The following ERBIN variants were observed in gnomAD, a reference collection of about 807,000 sequenced individuals.
The protein encoded by ERBIN is erbb2 interacting protein.
ERBIN carries 60 observed loss-of-function variants against 158.4 expected under a neutral mutation model. The observed-to-expected ratio is 0.38, with a 90% CI of 0.31 to 0.47. ERBIN has a LOEUF of 0.47. Among genes scored for constraint, ERBIN ranks in the 20% least tolerant of loss-of-function variants. The pLI, the probability that ERBIN is intolerant of heterozygous loss-of-function variation, is 0.99. For missense variants in ERBIN, 1,610 were observed against 1,648.0 expected, an observed-to-expected ratio of 0.98 and a Z score of 0.40; for synonymous variants, 594 against 557.2, an observed-to-expected ratio of 1.07 and a Z score of -0.93.
At chr5:65,939,432 A>G (rs1397311263) in intron 1 of ERBIN, among the ~76,000 whole-genome samples, 1 of 151,962 alleles carries the variant, frequency 6.6e-6, no homozygotes, top group African/African-American at 2.4e-5. Flanking sequence ...ATGAGACTCC[A>G]TCTCCAAAAC....
At chr5:66,006,302 C>T (rs1048130646) in intron 4 of ERBIN, among the ~76,000 whole-genome samples, 2 of 152,186 alleles carry the variant, frequency 1.3e-5, no homozygotes, top group Non-Finnish European at 2.9e-5. Flanking sequence ...AAAGAATTCC[C>T]TACTTAATAA....
At chr5:65,958,131 C>T (rs1747452800) in intron 1 of ERBIN, among the ~76,000 whole-genome samples, 1 of 150,588 alleles carries the variant, frequency 6.6e-6, no homozygotes, top group African/African-American at 2.4e-5. Flanking sequence ...TCCTCACTTC[C>T]CAGACTGGGC....
At chr5:66,040,856 GA>G (rs1561412615) in intron 15 of ERBIN, among the ~76,000 whole-genome samples, 2 of 109,028 alleles carry the variant, frequency 1.8e-5, no homozygotes, top group Non-Finnish European at 4.8e-5. Context: ...AAAAAAAAAA[GA>G]GGAAAAAAAG....
chr5:66,012,116 C>T lies in ERBIN; in HGVS notation c.375C>T (p.Asn125=), dbSNP rs1053695098. 10 of 1,591,214 alleles carry T rather than the reference C, an allele frequency of 6.3e-6. No individual in the cohort carries two copies. The highest frequency in any genetic ancestry group is 8.6e-6 in the Non-Finnish European group (10 of 1,167,792). Residue 125 remains asparagine, a synonymous_variant, in exon 5 of 26, where the codon AAC becomes AAT. Coordinates refer to ENST00000284037, the MANE Select transcript of ERBIN (RefSeq NM_001253697.2). The part of the protein sequence containing the change: ...KVLTIVEASV[N]PISKLPDGFS... ...TGACAATTGTGGAGGCCAGTGTAAA[C>T]CCTATTTCCAAGTAAGTTCTCAGGT... is the stretch of plus-strand genomic sequence containing the variant.
rs560811091 is a variant in ERBIN, at chr5:65,963,295, T to C, written c.-57-25340T>C. 1.2e-3 allele frequency among the ~76,000 whole-genome samples: 183 copies of C among 152,348 alleles called. 1 individual carries two copies. Among genetic ancestry groups the C allele is most frequent in the Middle Eastern group, 0.01 (3 of 294 alleles). On this transcript the variant is annotated intron_variant, in intron 1 of 25. Coordinates refer to ENST00000284037, the MANE Select transcript of ERBIN (RefSeq NM_001253697.2). ...AACTATTAACTGAGTAATATTAAAT[T>C]GGCAACTTTGAGGTAGGATACAACC...
chr5:66,004,643 T>C (rs1753391442), intron 4 of ERBIN, among the ~76,000 whole-genome samples: 1 of 152,182 alleles, frequency 6.6e-6, no homozygotes, highest in Non-Finnish European at 1.5e-5. Context: ...CCTCAAATGA[T>C]CTGCCCACCT....
intron 1 of ERBIN, among the ~76,000 whole-genome samples, chr5:65,931,042 G>GAT (rs1002528145): frequency 2.7e-4 from 38 of 142,446 alleles, no homozygotes; most frequent in Non-Finnish European, 1.3e-4. Context: ...TGTGGAAGAC[G>GAT]ATAGAAAAGG....
intron 14 of ERBIN, among the ~76,000 whole-genome samples, chr5:66,029,729 C>G (rs1487978022): frequency 1.3e-5 from 2 of 151,980 alleles, no homozygotes; most frequent in South Asian, 2.1e-4. Context: ...CTCAGCCTCC[C>G]GAGTAGCTGG....
At chr5:66,043,371 A>G (rs367605785) in intron 16 of ERBIN, among the ~76,000 whole-genome samples, 173 bp downstream of exon 16, 1 of 152,196 alleles carries the variant, frequency 6.6e-6, no homozygotes, top group Admixed American at 6.5e-5. Context: ...GAATTTGGGA[A>G]CAATATAAAA....
At chr5:65,939,536 C>G (rs565765426) in intron 1 of ERBIN, among the ~76,000 whole-genome samples, 3 of 147,702 alleles carry the variant, frequency 2.0e-5, no homozygotes, top group East Asian at 1.9e-4. Context: ...CCCTCTCCCC[C>G]CTCTCCCTCT....
Position 66,023,090 on chromosome 5 carries a change from A to G in ERBIN, c.598-200A>G, listed in dbSNP as rs1755868564. 8 of 418,930 alleles carry G rather than the reference A, an allele frequency of 1.9e-5. No homozygotes were observed. In the South Asian group the frequency reaches 2.2e-4, roughly 12 times the overall value. The allele number at this position is 418,930 out of a possible 1,614,324, so 26.0% of individuals were successfully genotyped here. A position where few individuals can be genotyped will look rare whatever the true frequency, so the allele number is the denominator to read the frequency against. On this transcript the variant is annotated intron_variant, in intron 8 of 25. Coordinates refer to ENST00000284037, the MANE Select transcript of ERBIN (RefSeq NM_001253697.2). The stretch of plus-strand genomic sequence containing the variant: ...ATTTCTCCATTAATAATTTTCTATA[A>G]TAATTTTACTGTAGTAACTATAATG...
At chr5:66,013,781 G>C (rs433773) in intron 6 of ERBIN, 143 bp downstream of exon 6, 451,421 of 542,630 alleles carry the variant, frequency 0.83, 190,142 homozygotes, top group African/African-American at 0.91. Flanking sequence ...TTTATACTTT[G>C]TTTGGTGGCT....
intron 1 of ERBIN, among the ~76,000 whole-genome samples, chr5:65,939,250 A>G (rs1485654398): frequency 6.6e-6 from 1 of 152,122 alleles, no homozygotes. Context: ...CAGCCTGACC[A>G]GTATGGTGAA....
intron 21 of ERBIN, chr5:66,069,070 C>T (rs1046197446): frequency 8.6e-6 from 12 of 1,398,478 alleles, no homozygotes; most frequent in Non-Finnish European, 1.0e-5. Flanking sequence ...AGAGAAAACC[C>T]CAAATTTTAA....
intron 15 of ERBIN, among the ~76,000 whole-genome samples, chr5:66,042,433 T>A (rs1268898830): frequency 6.6e-6 from 1 of 151,718 alleles, no homozygotes; most frequent in East Asian, 1.9e-4. Context: ...AGGTTTTGAT[T>A]TTTTTTTGAC....
At chr5:66,008,006 TTAC>T (rs1451306931) in intron 4 of ERBIN, among the ~76,000 whole-genome samples, 1 of 152,228 alleles carries the variant, frequency 6.6e-6, no homozygotes. Context: ...TAGGGCAAAA[TTAC>T]TACTATGTGT....
chr5:65,940,683 G>C (rs1218595741), intron 1 of ERBIN, among the ~76,000 whole-genome samples: 4 of 148,590 alleles, frequency 2.7e-5, no homozygotes, highest in Non-Finnish European at 6.0e-5. Context: ...GCCCGGTCCG[G>C]GAGGGAGGTG....
At chr5:65,972,590 T>A (rs1749390140) in intron 1 of ERBIN, among the ~76,000 whole-genome samples, 1 of 151,446 alleles carries the variant, frequency 6.6e-6, no homozygotes, top group South Asian at 2.1e-4. Flanking sequence ...ATTTTTGTTT[T>A]TCTTCTTTTC....
At position 66,054,942 on chromosome 5, in the gene ERBIN, G is replaced by T; in HGVS notation, c.3624G>T (p.Lys1208Asn). ...TACTTCGACATATTGAAGCCAAAAA[G>T]TTAGAAAAGGTAATTGAACATGAGT... Reference protein sequence around the residue: ...EQVLRHIEAKKLEKKHPQTSS... With the variant: ...EQVLRHIEAKNLEKKHPQTSS... The change falls in exon 21 of 26, where the codon AAG (lysine) becomes AAT (asparagine). Residue 1208 changes from lysine (K) to asparagine (N), a missense_variant. By Grantham distance (94) the Lys-to-Asn change is moderately conservative. Around this residue, in one of 2 missense-constraint regions of ERBIN, gnomAD observed 1,014 missense variants for 936.1 expected, o/e 1.08. Transcript: ENST00000284037. 6.4e-7 allele frequency: 1 copy of T among 1,566,820 alleles called. No homozygotes were observed.
Sources: allele counts gnomAD v4.1 joint callset (sites outside exome capture counted in the v4.1 genomes callset), GRCh38; gene constraint gnomAD v4.1.1; regional missense constraint gnomAD v4.1.1; transcripts MANE v1.5; gene names NCBI Gene and HGNC (gene_info 2026-07-23, HGNC 2026-07-21).